Variants in CHRM2 observed in about 807,000 individuals in gnomAD.
The protein encoded by CHRM2 is muscarinic acetylcholine receptor M2.
In CHRM2, 8 loss-of-function variants were observed where a neutral mutation model predicts 25.0. The ratio of observed to expected loss-of-function variants is 0.32; its 90% CI spans 0.19 to 0.58. The LOEUF (loss-of-function observed/expected upper bound fraction) is 0.58. Ranked by LOEUF, CHRM2 falls within the 20% of genes least tolerant of loss-of-function variation. The probability of loss-of-function intolerance (pLI) is 0.88; values close to 1 mark genes in which losing one functional copy is unlikely to be tolerated. For missense variants in CHRM2, 440 were observed against 567.1 expected, an observed-to-expected ratio of 0.78 and a Z score of 2.28; for synonymous variants, 202 against 205.7, an observed-to-expected ratio of 0.98 and a Z score of 0.15.
chr7:136,943,494 A>C (rs1041195217), intron 2 of CHRM2, among the ~76,000 whole-genome samples: 1 of 152,220 alleles, frequency 6.6e-6, no homozygotes, highest in East Asian at 1.9e-4. Context: ...TTTGCATTAT[A>C]ATATGAGTTA....
At chr7:136,910,579 A>G (rs1482366643) in intron 2 of CHRM2, among the ~76,000 whole-genome samples, 2 of 151,940 alleles carry the variant, frequency 1.3e-5, no homozygotes, top group African/African-American at 4.8e-5. Flanking sequence ...TTATTAAGGG[A>G]GGACATAAAA....
intron 2 of CHRM2, among the ~76,000 whole-genome samples, chr7:136,916,414 A>C (rs1798115899): frequency 6.6e-6 from 1 of 151,824 alleles, no homozygotes; most frequent in African/African-American, 2.4e-5. Context: ...TTTCATATTT[A>C]AAGAATATCA....
chr7:136,972,712 G>C (rs1801857375), intron 2 of CHRM2, among the ~76,000 whole-genome samples: 1 of 152,056 alleles, frequency 6.6e-6, no homozygotes, highest in Admixed American at 6.6e-5. Context: ...GATGGTGTTA[G>C]GGATGCTGGC....
At chr7:136,965,887 G>A (rs1264282251) in intron 2 of CHRM2, among the ~76,000 whole-genome samples, 1 of 151,970 alleles carries the variant, frequency 6.6e-6, no homozygotes, top group African/African-American at 2.4e-5. Flanking sequence ...AATGAGCCAT[G>A]ATGTGTTGAC....
At chr7:136,897,544 A>G (rs919925020) in intron 2 of CHRM2, among the ~76,000 whole-genome samples, 1 of 152,054 alleles carries the variant, frequency 6.6e-6, no homozygotes, top group African/African-American at 2.4e-5. Flanking sequence ...ATTTTTCTTA[A>G]TTGAAAATAG....
At chr7:137,008,272 C>T (rs1370202487) in intron 3 of CHRM2, among the ~76,000 whole-genome samples, 2 of 152,084 alleles carry the variant, frequency 1.3e-5, no homozygotes, top group Admixed American at 1.3e-4. Context: ...TGAACCCTTG[C>T]TTCCAATGAT....
intron 2 of CHRM2, among the ~76,000 whole-genome samples, chr7:136,884,039 G>C (rs1796365606): frequency 6.6e-6 from 1 of 151,970 alleles, no homozygotes; most frequent in South Asian, 2.1e-4. Flanking sequence ...GTATCTACTT[G>C]GAGTAATGTA....
chr7:136,959,449 T>C (rs1731800576), intron 2 of CHRM2, among the ~76,000 whole-genome samples: 1 of 152,186 alleles, frequency 6.6e-6, no homozygotes, highest in African/African-American at 2.4e-5. Context: ...CATGCTAGGC[T>C]CCATAAGAGT....
rs1584892251 is a variant in CHRM2 at position 136,993,544 on chromosome 7, C to G, written c.-47+1280C>G. The stretch of plus-strand genomic sequence containing the variant: ...GTTCCCTTGAAAATGAAGCCACAAC[C>G]CCTTGACAGGCATACGGAGAAGTGC... On this transcript the variant is annotated intron_variant, in intron 3 of 3. Transcript: ENST00000680005. 2.0e-5 allele frequency among the ~76,000 whole-genome samples: 3 copies of G among 152,094 alleles called. No individual in the cohort carries two copies. The East Asian group carries it at 5.8e-4, about 29-fold the overall frequency.
At chr7:136,912,152 A>G (rs1018318367) in intron 2 of CHRM2, among the ~76,000 whole-genome samples, 1 of 151,886 alleles carries the variant, frequency 6.6e-6, no homozygotes, top group African/African-American at 2.4e-5. Context: ...GATAATTGAA[A>G]GTTTCTAACC....
intron 2 of CHRM2, among the ~76,000 whole-genome samples, chr7:136,887,820 T>G (rs1157902284): frequency 6.6e-6 from 1 of 152,214 alleles, no homozygotes; most frequent in African/African-American, 2.4e-5. Flanking sequence ...TTTTAAATTT[T>G]ACTTGAAAAT....
At chr7:136,991,414 T>C (rs1455951751) in intron 2 of CHRM2, among the ~76,000 whole-genome samples, 2 of 152,136 alleles carry the variant, frequency 1.3e-5, no homozygotes, top group South Asian at 2.1e-4. Flanking sequence ...GTATTGCCTA[T>C]GCTCCTTTGT....
chr7:136,927,175 G>T (rs1226276695), intron 2 of CHRM2, among the ~76,000 whole-genome samples: 1 of 152,138 alleles, frequency 6.6e-6, no homozygotes, highest in East Asian at 1.9e-4. Flanking sequence ...TACACAGTAA[G>T]CACTCAATAT....
At chr7:136,876,876 CTGAA>C (rs1796071938) in intron 2 of CHRM2, among the ~76,000 whole-genome samples, 1 of 152,002 alleles carries the variant, frequency 6.6e-6, no homozygotes, top group South Asian at 2.1e-4. Flanking sequence ...TGATAAGATT[CTGAA>C]TTACTTAAAT....
intron 2 of CHRM2, among the ~76,000 whole-genome samples, chr7:136,988,945 G>A (rs918213387): frequency 2.6e-5 from 4 of 151,678 alleles, no homozygotes; most frequent in South Asian, 4.1e-4. Context: ...TAGTATATTC[G>A]AATTTAAGAA....
At chr7:136,985,663 T>C (rs1402338047) in intron 2 of CHRM2, among the ~76,000 whole-genome samples, 1 of 152,152 alleles carries the variant, frequency 6.6e-6, no homozygotes, top group Non-Finnish European at 1.5e-5. Flanking sequence ...ATTAGCATCT[T>C]ACAATCAATT....
At chr7:136,926,850 G>C (rs1428823090) in intron 2 of CHRM2, among the ~76,000 whole-genome samples, 1 of 152,134 alleles carries the variant, frequency 6.6e-6, no homozygotes, top group African/African-American at 2.4e-5. Context: ...AGACATAATT[G>C]ATGAAATTCT....
intron 3 of CHRM2, among the ~76,000 whole-genome samples, chr7:137,012,906 C>A (rs186395995): frequency 6.6e-6 from 1 of 151,868 alleles, no homozygotes; most frequent in Non-Finnish European, 1.5e-5. Flanking sequence ...TCCCGCTAGT[C>A]CCACCAAAAG....
chr7:136,884,621 A>G lies in CHRM2; in HGVS notation c.-125+15203A>G, dbSNP rs118013345. Among the ~76,000 whole-genome samples, 585 of 152,246 alleles carry G rather than the reference A, an allele frequency of 3.8e-3. 5 individuals carry two copies. Among genetic ancestry groups the G allele is most frequent in the Non-Finnish European group, 6.4e-3 (438 of 68,026 alleles). Reference sequence around the variant, plus strand: ...ATTTCATAGTCCAGAGAAATTCACAATTAGGTGATAGAATGTGCTCCCAGA... The same window carrying G: ...ATTTCATAGTCCAGAGAAATTCACAGTTAGGTGATAGAATGTGCTCCCAGA... On this transcript the variant is annotated intron_variant, in intron 2 of 3. Coordinates refer to ENST00000680005, the MANE Select transcript of CHRM2 (RefSeq NM_001006630.2).
Sources: gnomAD v4.1 joint callset for allele counts (sites outside exome capture counted in the v4.1 genomes callset) on GRCh38, gnomAD v4.1.1 for gene constraint, MANE v1.5 for transcripts, NCBI Gene and HGNC (gene_info 2026-07-23, HGNC 2026-07-21) for gene names.